Variants in SLC4A3 observed in about 807,000 individuals in gnomAD.
SLC4A3 encodes the protein anion exchange protein 3.
A neutral mutation model predicts 114.2 loss-of-function variants in SLC4A3; 47 were observed. That is an observed-to-expected ratio of 0.41 (90% CI 0.33 to 0.52). The LOEUF is 0.52. Among genes scored for constraint, SLC4A3 ranks in the 20% least tolerant of loss-of-function variants. The pLI, the probability that SLC4A3 is intolerant of heterozygous loss-of-function variation, is 0.21. For missense variants in SLC4A3, 1,312 were observed against 1,668.3 expected (o/e 0.79, Z 3.72); for synonymous variants, 693 against 710.3 (o/e 0.98, Z 0.39).
At position 219,638,872 on chromosome 2, in the gene SLC4A3, G is replaced by T; in HGVS notation, c.3023+3G>T. ...TTCATGGAGACACAGATCACGGCGT[G>T]AGAGAGATGGGAGGAGGAGGTGGGA... On this transcript the variant is annotated splice_donor_region_variant and intron_variant, in intron 19 of 22. Coordinates refer to ENST00000358055, the MANE Select transcript of SLC4A3 (RefSeq NM_005070.4). The surrounding 1 kb of genome is among the most constrained non-coding windows in gnomAD (Gnocchi z 7.5). The T allele has an allele frequency of 1.2e-6, 2 of 1,612,960 alleles. No individual in the cohort carries two copies. The highest frequency in any genetic ancestry group is 1.1e-5 in the South Asian group (1 of 91,028).
chr2:219,640,737 G>A, intron 21 of SLC4A3, 52 bp from the exon 22 acceptor site: 1 of 1,587,930 alleles, frequency 6.3e-7, no homozygotes. Flanking sequence ...ATGTGGGTGG[G>A]TGGGAGCAGG....
rs999655005 is a variant in SLC4A3, at chr2:219,639,395, C to G, written c.3024-87C>G. The G allele has an allele frequency of 2.6e-5, 38 of 1,477,078 alleles. No homozygotes were observed. The highest frequency in any genetic ancestry group is 9.6e-5 in the African/African-American group (7 of 72,542). The allele number at this position is 1,477,078 out of a possible 1,614,324, so 91.5% of individuals were successfully genotyped here. A position where few individuals can be genotyped will look rare whatever the true frequency, so the allele number is the denominator to read the frequency against. ...AACTGTTGTCTGCACGTCCTCCCCC[C>G]ACCATCTCGTCTCTGTGTGCGTGCC... On this transcript the variant is annotated intron_variant, in intron 19 of 22. Coordinates refer to ENST00000358055, the MANE Select transcript of SLC4A3 (RefSeq NM_005070.4). This position sits in a 1 kb window ranked among gnomAD's most constrained non-coding sequence, Gnocchi z 5.9.
intron 12 of SLC4A3, 31 bp downstream of exon 12, chr2:219,634,635 TCTC>T (rs1297816271): frequency 6.2e-7 from 1 of 1,606,642 alleles, no homozygotes; most frequent in Non-Finnish European, 8.5e-7. Context: ...CAAGGCCTCT[TCTC>T]CTAGGCCCTG....
At chr2:219,627,865 A>C in intron 1 of SLC4A3, 35 bp from the exon 2 acceptor site, 4 of 698,656 alleles carry the variant, frequency 5.7e-6, no homozygotes, top group Non-Finnish European at 7.0e-6. Context: ...GGGGGGCGCC[A>C]GCGCAAGGAA....
rs375245968 is a variant in SLC4A3, at chr2:219,637,748, C to T, written c.2703C>T (p.Leu901=). The change falls in exon 17 of 23, where the codon CTC becomes CTT. Residue 901 remains leucine (L), a synonymous_variant. Coordinates refer to ENST00000358055, the MANE Select transcript of SLC4A3 (RefSeq NM_005070.4). This position sits in a 1 kb window ranked among gnomAD's most constrained non-coding sequence, Gnocchi z 4.6. ...CACTGCTCTCACTCATCCTCATGCTCGGGACCTTCTTCATAGCCTTCTTCC... is the reference window on the plus strand; with the variant it reads ...CACTGCTCTCACTCATCCTCATGCTTGGGACCTTCTTCATAGCCTTCTTCC... ...NTALLSLILM[L]GTFFIAFFLR... is the part of the protein sequence containing the mutation. The T allele has an allele frequency of 1.9e-5, 30 of 1,613,856 alleles. No individual in the cohort carries two copies. The highest frequency in any genetic ancestry group is 6.6e-5 in the South Asian group (6 of 91,080).
Position 219,627,928 on chromosome 2 carries a change from C to T in SLC4A3, c.-65C>T. The T allele has an allele frequency of 7.1e-7, 1 of 1,414,170 alleles. No individual in the cohort carries two copies. The highest frequency in any genetic ancestry group is 9.8e-7 in the Non-Finnish European group (1 of 1,016,312). The allele number at this position is 1,414,170 out of a possible 1,614,324, so 87.6% of individuals were successfully genotyped here. ...TCCCCGCTAGGCCCCCTCAGTGGCC[C>T]CTCCTTCTCACCTGGGTCTCGGGTC... On this transcript the variant is annotated 5_prime_UTR_variant, in exon 2 of 23. Coordinates refer to ENST00000358055, the MANE Select transcript of SLC4A3 (RefSeq NM_005070.4).
In SLC4A3 at chr2:219,628,085, GA is replaced by G; in HGVS notation, c.51+43del. 6.1e-6 allele frequency: 9 copies of G among 1,475,272 alleles called. No homozygotes were observed. The highest frequency in any genetic ancestry group is 9.1e-7 in the Non-Finnish European group (1 of 1,101,494). The allele number at this position is 1,475,272 out of a possible 1,614,324, so 91.4% of individuals were successfully genotyped here. A position where few individuals can be genotyped will look rare whatever the true frequency, so the allele number is the denominator to read the frequency against. ...GGGGCGGGGGAGAGATGGGGGAGGA[GA>G]GGGGAGGGACCTTAGGGTGGGCAGA... On this transcript the variant is annotated intron_variant, in intron 2 of 22. Coordinates refer to ENST00000358055, the MANE Select transcript of SLC4A3 (RefSeq NM_005070.4). This position sits in a 1 kb window ranked among gnomAD's most constrained non-coding sequence, Gnocchi z 4.8.
rs536250794 is a variant in SLC4A3, at chr2:219,637,387, C to T, written c.2536-194C>T. On this transcript the variant is annotated intron_variant, in intron 16 of 22. Coordinates refer to ENST00000358055, the MANE Select transcript of SLC4A3 (RefSeq NM_005070.4). The surrounding 1 kb of genome is among the most constrained non-coding windows in gnomAD (Gnocchi z 4.6). ...TGTATGTGTTATGTGTGTGTTGTTA[C>T]GTGTTGTGTGTGTTGTATGTGTGTG... 1.3e-5 allele frequency among the ~76,000 whole-genome samples: 2 copies of T among 149,738 alleles called. No individual in the cohort carries two copies. The highest frequency in any genetic ancestry group is 2.1e-4 in the South Asian group (1 of 4,694).
chr2:219,634,107 G>A, intron 11 of SLC4A3, 128 bp downstream of exon 11: 1 of 1,140,674 alleles, frequency 8.8e-7, no homozygotes, highest in African/African-American at 1.6e-5. Context: ...CCTGGTCCCT[G>A]CTCTTCCTCA....
chr2:219,634,586 C>T lies in SLC4A3; in HGVS notation c.1728C>T (p.Ala576=). The T allele has an allele frequency of 6.2e-7, 1 of 1,614,184 alleles. No individual in the cohort carries two copies. Among genetic ancestry groups the T allele is most frequent in the Non-Finnish European group, 8.5e-7 (1 of 1,180,010 alleles). Residue 576 remains alanine (A), a synonymous_variant, in exon 12 of 23, where the codon GCC becomes GCT. Coordinates refer to ENST00000358055, the MANE Select transcript of SLC4A3 (RefSeq NM_005070.4). ...ATCACGAGCTTGGGCGCTCCATTGC[C>T]ACCCTTATGTCTGACAAGGTTGGGC... ...TDYHELGRSI[A]TLMSDKLFHE...
At position 219,632,969 on chromosome 2, in the gene SLC4A3, G is replaced by A. The variant is rs1208397280; in HGVS notation, c.1237G>A (p.Asp413Asn). ...MIVSDQIRPEDRASVLRTLLL... is the reference protein window; with the variant it reads ...MIVSDQIRPENRASVLRTLLL... ...TGTGTCTGACCAGATCCGGCCGGAGGACAGGGCCAGCGTCCTACGTACCCT... is the reference window on the plus strand; with the variant it reads ...TGTGTCTGACCAGATCCGGCCGGAGAACAGGGCCAGCGTCCTACGTACCCT... The change falls in exon 9 of 23, where the codon GAC becomes AAC. Residue 413 changes from aspartate to asparagine, a missense_variant. By Grantham distance (23) the Asp-to-Asn change is conservative. Around this residue, in one of 4 missense-constraint regions of SLC4A3, gnomAD observed 771 missense variants for 977.7 expected, o/e 0.79. Transcript: ENST00000358055. The A allele has an allele frequency of 1.2e-6, 2 of 1,614,078 alleles. No homozygotes were observed. Among genetic ancestry groups the A allele is most frequent in the South Asian group, 1.1e-5 (1 of 91,080 alleles).
At position 219,631,611 on chromosome 2, in the gene SLC4A3, GCTCAGTGCCTGGGGACTCTGA is replaced by G. The variant is rs1358632462; in HGVS notation, c.812-345_812-325del. Among the ~76,000 whole-genome samples, 1 of 152,116 alleles carries G rather than the reference GCTCAGTGCCTGGGGACTCTGA, an allele frequency of 6.6e-6. No individual in the cohort carries two copies. Among genetic ancestry groups the G allele is most frequent in the East Asian group, 1.9e-4 (1 of 5,188 alleles). On this transcript the variant is annotated intron_variant, in intron 6 of 22. Transcript: ENST00000358055. The surrounding 1 kb of genome is among the most constrained non-coding windows in gnomAD (Gnocchi z 6.3). ...ATAGGGTGCACGGAAAATGTTGGGG[GCTCAGTGCCTGGGGACTCTGA>G]CTCAGTGCCTGTCATGGGACCCAGA...
At position 219,640,552 on chromosome 2, in the gene SLC4A3, A is replaced by G. The variant is rs780388457; in HGVS notation, c.3400A>G (p.Ile1134Val). The G allele has an allele frequency of 6.2e-7, 1 of 1,614,120 alleles. No individual in the cohort carries two copies. The highest frequency in any genetic ancestry group is 1.1e-5 in the South Asian group (1 of 91,074). The change falls in exon 21 of 23, where the codon ATC becomes GTC. Residue 1134 changes from isoleucine (I) to valine (V), a missense_variant. Transcript: ENST00000358055. The stretch of plus-strand genomic sequence containing the variant: ...CCAGCTGTCCCAGCGTTTGTTGCTC[A>G]TCCTCATGCCGGCAAAACACCATCC... ...GIQLSQRLLL[I>V]LMPAKHHPEQ... is the part of the protein sequence containing the mutation.
chr2:219,636,274 T>C lies in SLC4A3; in HGVS notation c.2192-28T>C, dbSNP rs1699113944. 1 of 1,612,130 alleles carries C rather than the reference T, an allele frequency of 6.2e-7. No individual in the cohort carries two copies. Among genetic ancestry groups the C allele is most frequent in the African/African-American group, 1.3e-5 (1 of 74,882 alleles). On this transcript the variant is annotated intron_variant, in intron 14 of 22. Transcript: ENST00000358055. This position sits in a 1 kb window ranked among gnomAD's most constrained non-coding sequence, Gnocchi z 5.5. ...AGGGGGCAGATAGACAGAGCCAGGC[T>C]AGGGCCATCCTACCCGTGCTATGGC... is the stretch of plus-strand genomic sequence containing the variant.
In SLC4A3 at chr2:219,629,639, C is replaced by T. The variant is rs1698847713; in HGVS notation, c.555C>T (p.Thr185=). 1 of 1,613,270 alleles carries T rather than the reference C, an allele frequency of 6.2e-7. No homozygotes were observed. Residue 185 remains threonine (T), a synonymous_variant, in exon 5 of 23, where the codon ACC becomes ACT. Transcript: ENST00000358055. ...SPGLPGRAAV[T]KPLPSVGPHT... ...GCCTCCCTGGGAGGGCTGCTGTCAC[C>T]AAGCCCCTGCCCTCGGTGGGCCCAC...
chr2:219,635,283 G>T lies in SLC4A3; in HGVS notation c.1759G>T (p.Ala587Ser), dbSNP rs995414868. 1 of 1,613,794 alleles carries T rather than the reference G, an allele frequency of 6.2e-7. No individual in the cohort carries two copies. The highest frequency in any genetic ancestry group is 8.5e-7 in the Non-Finnish European group (1 of 1,179,868). ...TCATTGCCCCCAGCTGTTTCATGAG[G>T]CTGCCTACCAGGCAGATGACCGGCA... Reference protein sequence around the residue: ...TLMSDKLFHEAAYQADDRQDL... With the variant: ...TLMSDKLFHESAYQADDRQDL... Residue 587 changes from alanine to serine, a missense_variant, in exon 13 of 23, where the codon GCT becomes TCT. By Grantham distance (99) the Ala-to-Ser change is moderately conservative. This residue lies in a region of SLC4A3 where 771 missense variants were observed against 977.7 expected (regional missense o/e 0.79). Coordinates refer to ENST00000358055, the MANE Select transcript of SLC4A3 (RefSeq NM_005070.4).
At position 219,627,881 on chromosome 2, in the gene SLC4A3, C is replaced by A; in HGVS notation, c.-93-19C>A. Reference sequence around the variant, plus strand: ...GGGGGCGCCAGCGCAAGGAACCTGACCCCGCCCTCCTCCCCCAGGGCTCCC... The same window carrying A: ...GGGGGCGCCAGCGCAAGGAACCTGAACCCGCCCTCCTCCCCCAGGGCTCCC... On this transcript the variant is annotated intron_variant, in intron 1 of 22. Coordinates refer to ENST00000358055, the MANE Select transcript of SLC4A3 (RefSeq NM_005070.4). 1 of 846,598 alleles carries A rather than the reference C, an allele frequency of 1.2e-6. No homozygotes were observed. The highest frequency in any genetic ancestry group is 1.8e-6 in the Non-Finnish European group (1 of 542,396). The allele number at this position is 846,598 out of a possible 1,614,324, so 52.4% of individuals were successfully genotyped here.
In SLC4A3 at chr2:219,629,216, G is replaced by A. The variant is rs147199867; in HGVS notation, c.290G>A (p.Arg97Gln). The A allele has an allele frequency of 1.4e-4, 225 of 1,613,200 alleles. No homozygotes were observed. The African/African-American group carries it at 2.6e-3, about 19-fold the overall frequency. ...ARLPPPHKLR[R>Q]LPPTSARHTR... ...CTGCCTCCACCCCACAAGCTGCGGC[G>A]GCTGCCCCCCACCTCTGCCCGGCAC... is the stretch of plus-strand genomic sequence containing the variant. The change falls in exon 4 of 23, where the codon CGG (arginine) becomes CAG (glutamine). Residue 97 changes from arginine (R) to glutamine (Q), a missense_variant. Arg to Gln is a conservative substitution (Grantham distance 43). This residue lies in a region of SLC4A3 where 236 missense variants were observed against 212.1 expected (regional missense o/e 1.11). Transcript: ENST00000358055.
Position 219,637,193 on chromosome 2 carries a change from AGT to A in SLC4A3, c.2535+335_2535+336del, listed in dbSNP as rs71688224. Among the ~76,000 whole-genome samples the A allele has an allele frequency of 4.7e-5, 7 of 147,836 alleles. No individual in the cohort carries two copies. Among genetic ancestry groups the A allele is most frequent in the Non-Finnish European group, 7.5e-5 (5 of 66,690 alleles). ...GTCCTTGGGTCACCTTTTGTAGAGG[AGT>A]GTGTGTGTGTGTGTGGGTGTGGGTG... On this transcript the variant is annotated intron_variant, in intron 16 of 22. Transcript: ENST00000358055. The surrounding 1 kb of genome is among the most constrained non-coding windows in gnomAD (Gnocchi z 4.6).
Sources: gnomAD v4.1 joint callset for allele counts (sites outside exome capture counted in the v4.1 genomes callset) on GRCh38, gnomAD v4.1.1 for gene constraint, gnomAD v4.1.1 regional missense constraint, Gnocchi (gnomAD v3.1) non-coding constraint, MANE v1.5 for transcripts, NCBI Gene and HGNC (gene_info 2026-07-23, HGNC 2026-07-21) for gene names.